Variants in PLSCR1 observed in about 807,000 individuals in gnomAD.
The protein encoded by PLSCR1 is PL scramblase 1.
In PLSCR1, 17 loss-of-function variants were observed where a neutral mutation model predicts 37.8. The ratio of observed to expected loss-of-function variants is 0.45; its 90% CI spans 0.31 to 0.68. PLSCR1 has a LOEUF of 0.68. Among genes scored for constraint, PLSCR1 ranks in the 30% least tolerant of loss-of-function variants. The pLI is 0.06. For synonymous variants in PLSCR1, 116 were observed against 125.9 expected (o/e 0.92, Z 0.53); for missense variants, 347 against 380.9 (o/e 0.91, Z 0.74).
chr3:146,522,657 C>G (rs1470871592), intron 5 of PLSCR1, among the ~76,000 whole-genome samples: 3 of 152,248 alleles, frequency 2.0e-5, no homozygotes, highest in African/African-American at 7.2e-5. Flanking sequence ...AAAGACCTGA[C>G]CGTCCACCAG....
intron 7 of PLSCR1, 147 bp from the exon 8 acceptor site, chr3:146,517,314 T>G (rs1175843863): frequency 2.6e-6 from 1 of 386,464 alleles, no homozygotes; most frequent in African/African-American, 2.1e-5. Context: ...CCTGTATCTA[T>G]TTATAGATAT....
rs188057374 is a variant in PLSCR1, at chr3:146,525,612, A to C, written c.348T>G (p.Leu116=). The C allele has an allele frequency of 1.3e-6, 2 of 1,503,778 alleles. No homozygotes were observed. Among genetic ancestry groups the C allele is most frequent in the African/African-American group, 2.7e-5 (2 of 72,872 alleles). The allele number at this position is 1,503,778 out of a possible 1,614,324, so 93.2% of individuals were successfully genotyped here. A position where few individuals can be genotyped will look rare whatever the true frequency, so the allele number is the denominator to read the frequency against. ...AAAACAATGAATACATACCTTCCAGAAGTTCAATTTGCTGATGAATCAGTA... is the reference window on the plus strand; with the variant it reads ...AAAACAATGAATACATACCTTCCAGCAGTTCAATTTGCTGATGAATCAGTA... ...DQILIHQQIE[L]LEVLTGFETN... The change falls in exon 5 of 9, where the codon CTT becomes CTG. Residue 116 remains leucine (L), a synonymous_variant. Transcript: ENST00000342435.
At chr3:146,518,895 G>T (rs1041163700) in intron 7 of PLSCR1, among the ~76,000 whole-genome samples, 1 of 152,120 alleles carries the variant, frequency 6.6e-6, no homozygotes. Context: ...TCAAATCCAT[G>T]AGTGCAATAC....
chr3:146,521,777 G>A lies in PLSCR1; in HGVS notation c.576+56C>T, dbSNP rs1056305584. ...AGGTTCGATGAAAGGTTCAATGACA[G>A]GGCAGAAATTCTTGCTGAACTATTT... is the stretch of plus-strand genomic sequence containing the variant. On this transcript the variant is annotated intron_variant, in intron 6 of 8. Transcript: ENST00000342435. The A allele has an allele frequency of 5.5e-5, 86 of 1,569,500 alleles. No homozygotes were observed. The African/African-American group carries it at 1.0e-3, about 18-fold the overall frequency.
At chr3:146,533,049 G>A (rs2044219479) in intron 3 of PLSCR1, among the ~76,000 whole-genome samples, 1 of 152,056 alleles carries the variant, frequency 6.6e-6, no homozygotes, top group Non-Finnish European at 1.5e-5. Flanking sequence ...CTGAACACAT[G>A]CCAAGCTACT....
intron 1 of PLSCR1, among the ~76,000 whole-genome samples, chr3:146,539,169 G>C (rs2044304835): frequency 6.6e-6 from 1 of 152,228 alleles, no homozygotes; most frequent in African/African-American, 2.4e-5. Context: ...TCCCATGTGG[G>C]GGTGATGGGA....
In PLSCR1 at chr3:146,538,761, T is replaced by A. The variant is rs1030294338; in HGVS notation, c.-13-2196A>T. The stretch of plus-strand genomic sequence containing the variant: ...AAACAGACTACTCAACTGAAAAAAA[T>A]TCATAGTTTCTGGATTGCAGATCTA... On this transcript the variant is annotated intron_variant, in intron 1 of 8. Coordinates refer to ENST00000342435, the MANE Select transcript of PLSCR1 (RefSeq NM_021105.3). 6.6e-5 allele frequency among the ~76,000 whole-genome samples: 10 copies of A among 152,080 alleles called. 1 individual carries two copies. Among genetic ancestry groups the A allele is most frequent in the African/African-American group, 1.9e-4 (8 of 41,406 alleles).
intron 1 of PLSCR1, among the ~76,000 whole-genome samples, chr3:146,538,622 C>T (rs1357552027): frequency 4.5e-4 from 68 of 152,168 alleles, no homozygotes; most frequent in South Asian, 2.1e-4. Flanking sequence ...TTATTCTCAC[C>T]GTCCCTACAG....
At chr3:146,523,987 G>A (rs565777759) in intron 5 of PLSCR1, among the ~76,000 whole-genome samples, 6 of 152,266 alleles carry the variant, frequency 3.9e-5, no homozygotes, top group South Asian at 2.1e-4. Context: ...ACTCTGAGTC[G>A]GATAAAGACG....
intron 3 of PLSCR1, among the ~76,000 whole-genome samples, chr3:146,532,170 T>C (rs914539008): frequency 1.3e-5 from 2 of 152,162 alleles, no homozygotes; most frequent in Non-Finnish European, 2.9e-5. Flanking sequence ...AAACAAACTC[T>C]CAAGTCTGAT....
At chr3:146,526,730 C>A (rs754491215) in intron 4 of PLSCR1, among the ~76,000 whole-genome samples, 1 of 152,098 alleles carries the variant, frequency 6.6e-6, no homozygotes, top group Non-Finnish European at 1.5e-5. Flanking sequence ...CTGTCATTGG[C>A]AGCAACATGG....
chr3:146,528,901 T>C (rs1213138362), intron 3 of PLSCR1, 70 bp from the exon 4 acceptor site: 17 of 1,095,090 alleles, frequency 1.6e-5, no homozygotes, highest in Non-Finnish European at 2.0e-5. Context: ...TTTAGGGTTA[T>C]GCCATCTATC....
chr3:146,527,601 T>A lies in PLSCR1; in HGVS notation c.312+1013A>T, dbSNP rs1166208162. On this transcript the variant is annotated intron_variant, in intron 4 of 8. Coordinates refer to ENST00000342435, the MANE Select transcript of PLSCR1 (RefSeq NM_021105.3). Reference sequence around the variant, plus strand: ...AGATTTGTATTAAGCATACTTAATATCAACCTTTGTCATATGTGATAACAT... The same window carrying A: ...AGATTTGTATTAAGCATACTTAATAACAACCTTTGTCATATGTGATAACAT... 2.0e-5 allele frequency among the ~76,000 whole-genome samples: 3 copies of A among 152,220 alleles called. No homozygotes were observed. The East Asian group carries it at 5.8e-4, about 29-fold the overall frequency.
intron 7 of PLSCR1, 64 bp from the exon 8 acceptor site, chr3:146,517,231 T>A: frequency 1.1e-6 from 1 of 930,854 alleles, no homozygotes; most frequent in East Asian, 2.9e-5. Flanking sequence ...ACTTTCAAAT[T>A]TGAAGTAAGA....
intron 7 of PLSCR1, among the ~76,000 whole-genome samples, chr3:146,521,096 A>T (rs1015939599): frequency 6.6e-6 from 1 of 152,142 alleles, no homozygotes; most frequent in African/African-American, 2.4e-5. Flanking sequence ...TCTCAAAACT[A>T]TCTTTGCATA....
intron 1 of PLSCR1, among the ~76,000 whole-genome samples, chr3:146,543,110 A>G (rs954239502): frequency 2.0e-5 from 3 of 152,010 alleles, no homozygotes; most frequent in African/African-American, 7.3e-5. Context: ...GATAGAGGGA[A>G]CTCCATAGGT....
chr3:146,528,494 T>C (rs1335530043), intron 4 of PLSCR1, 120 bp downstream of exon 4: 2 of 776,360 alleles, frequency 2.6e-6, no homozygotes, highest in African/African-American at 3.4e-5. Flanking sequence ...GAGTAATCTG[T>C]TAGCAGAAAA....
At chr3:146,538,964 C>T (rs1036499109) in intron 1 of PLSCR1, among the ~76,000 whole-genome samples, 1 of 152,172 alleles carries the variant, frequency 6.6e-6, no homozygotes, top group Admixed American at 6.5e-5. Flanking sequence ...ACCTTTTTGG[C>T]ACCAGGGACC....
Position 146,524,393 on chromosome 3 carries a change from T to A in PLSCR1, c.355+1212A>T, listed in dbSNP as rs1411079048. On this transcript the variant is annotated intron_variant, in intron 5 of 8. Transcript: ENST00000342435. ...ATCTTCATCTTTTTTATACCACTCA[T>A]GAAAAAATAACATAGACTTTCAATT... is the stretch of plus-strand genomic sequence containing the variant. Among the ~76,000 whole-genome samples, 4 of 151,544 alleles carry A rather than the reference T, an allele frequency of 2.6e-5. 1 individual carries two copies. The East Asian group carries it at 7.8e-4, about 29-fold the overall frequency.
Sources: allele counts gnomAD v4.1 joint callset (sites outside exome capture counted in the v4.1 genomes callset), GRCh38; gene constraint gnomAD v4.1.1; transcripts MANE v1.5; gene names NCBI Gene and HGNC (gene_info 2026-07-23, HGNC 2026-07-21).